USP9X: variants seen among roughly 807,000 people sequenced by gnomAD.
The protein encoded by USP9X is ubiquitin carboxyl-terminal hydrolase 9X.
Under a neutral mutation model 190.3 loss-of-function variants are expected in USP9X, and 7 were observed. The ratio of observed to expected loss-of-function variants is 0.04; its 90% CI spans 0.02 to 0.07. The LOEUF (loss-of-function observed/expected upper bound fraction) is 0.07, where lower values mean the gene tolerates loss of function less well. Ranked by LOEUF, USP9X falls within the 10% of genes least tolerant of loss-of-function variation. The pLI, the probability that USP9X is intolerant of heterozygous loss-of-function variation, is 1.00. For missense variants in USP9X, 1,010 were observed against 1,916.9 expected (o/e 0.53, Z 8.83); for synonymous variants, 645 against 659.5 (o/e 0.98, Z 0.34).
intron 24 of USP9X, among the ~76,000 whole-genome samples, chrX:41,187,203 C>A (rs1048710259): frequency 4.5e-5 from 5 of 112,275 alleles, no homozygotes; most frequent in African/African-American, 6.5e-5. Flanking sequence ...TTTCATCACT[C>A]TTTATGCACT....
chrX:41,090,138 C>T (rs1282630065), intron 1 of USP9X, among the ~76,000 whole-genome samples: 1 of 108,443 alleles, frequency 9.2e-6, no homozygotes, highest in Non-Finnish European at 1.9e-5. Context: ...AACTGCTGGG[C>T]TCAAGCTGTC....
At chrX:41,174,530 G>A (rs1330280364) in intron 21 of USP9X, among the ~76,000 whole-genome samples, 2 of 111,898 alleles carry the variant, frequency 1.8e-5, no homozygotes, top group Non-Finnish European at 3.8e-5. Flanking sequence ...TATCATGATT[G>A]TATTCAGGTT....
At chrX:41,163,394 T>A (rs1392052375) in intron 15 of USP9X, among the ~76,000 whole-genome samples, 1 of 109,940 alleles carries the variant, frequency 9.1e-6, no homozygotes, top group Non-Finnish European at 1.9e-5. Flanking sequence ...TAGGGCTGGA[T>A]TTTCTCTGCA....
chrX:41,216,494 C>T lies in USP9X; in HGVS notation c.5927C>T (p.Thr1976Ile). 1 of 1,211,271 alleles carries T rather than the reference C, an allele frequency of 8.3e-7. No homozygotes were observed. The highest frequency in any genetic ancestry group is 1.1e-6 in the Non-Finnish European group (1 of 895,414). Reference sequence around the variant, plus strand: ...TATATATCAGAGCTTGCTATCACCACCAGACCTCATCAGATTATTATGCCA... The same window carrying T: ...TATATATCAGAGCTTGCTATCACCATCAGACCTCATCAGATTATTATGCCA... ...IRYISELAIT[T>I]RPHQIIMPSA... Residue 1976 changes from threonine to isoleucine, a missense_variant, in exon 35 of 45, where the codon ACC (threonine) becomes ATC (isoleucine). By Grantham distance (89) the Thr-to-Ile change is moderately conservative (BLOSUM62 -1). Transcript: ENST00000378308.
chrX:41,144,977 A>G (rs774005077), intron 11 of USP9X, among the ~76,000 whole-genome samples: 9 of 111,619 alleles, frequency 8.1e-5, no homozygotes, highest in African/African-American at 2.9e-4. Context: ...CTGGGGTCAT[A>G]TGTACAAGCA....
At chrX:41,190,991 A>G (rs1445412886) in intron 26 of USP9X, among the ~76,000 whole-genome samples, 1 of 111,534 alleles carries the variant, frequency 9.0e-6, no homozygotes, top group East Asian at 2.8e-4. Flanking sequence ...ATTTGTCAGC[A>G]AGTCCGACTT....
intron 1 of USP9X, among the ~76,000 whole-genome samples, chrX:41,120,289 C>G (rs909204704): frequency 1.8e-5 from 2 of 111,927 alleles, no homozygotes; most frequent in African/African-American, 6.5e-5. Context: ...CTTTCCTTAC[C>G]TGTAAAGAGG....
At chrX:41,106,171 G>A (rs868076215) in intron 1 of USP9X, among the ~76,000 whole-genome samples, 1 of 111,455 alleles carries the variant, frequency 9.0e-6, no homozygotes, top group African/African-American at 3.3e-5. Flanking sequence ...TGTTGCTCCT[G>A]CTTTTGGTAT....
At chrX:41,091,453 G>C (rs965145355) in intron 1 of USP9X, among the ~76,000 whole-genome samples, 1 of 111,571 alleles carries the variant, frequency 9.0e-6, no homozygotes, top group African/African-American at 3.3e-5. Flanking sequence ...AATTTACTTT[G>C]TTTAGGTGTT....
At chrX:41,116,112 A>G (rs1392989942) in intron 1 of USP9X, among the ~76,000 whole-genome samples, 1 of 112,196 alleles carries the variant, frequency 8.9e-6, no homozygotes. Context: ...TTAGGATGCT[A>G]AGTTTGAATA....
chrX:41,190,885 C>T (rs977472017), intron 26 of USP9X, among the ~76,000 whole-genome samples: 3 of 111,601 alleles, frequency 2.7e-5, no homozygotes, highest in African/African-American at 9.8e-5. Context: ...GGAGGGCGTT[C>T]TAAGTTAGGA....
At chrX:41,142,191 G>T (rs1276027137) in intron 9 of USP9X, among the ~76,000 whole-genome samples, 2 of 111,572 alleles carry the variant, frequency 1.8e-5, no homozygotes, top group Non-Finnish European at 3.8e-5. Flanking sequence ...TATGATGTAC[G>T]TATCTGCCTC....
intron 5 of USP9X, among the ~76,000 whole-genome samples, chrX:41,135,974 C>G (rs5918119): frequency 0.37 from 40,898 of 109,762 alleles, 6,299 homozygotes; most frequent in East Asian, 0.51. Flanking sequence ...AGTTGTCAAG[C>G]AGATAATATT....
chrX:41,232,219 TTTTTTG>T (rs56699343), intron 44 of USP9X, among the ~76,000 whole-genome samples, 162 bp from the exon 45 acceptor site: 225 of 103,069 alleles, frequency 2.2e-3, no homozygotes, highest in African/African-American at 6.2e-3. Context: ...TTTCAAGCCT[TTTTTTG>T]TTTTTGTTTT....
At chrX:41,128,006 A>G (rs970989174) in intron 2 of USP9X, among the ~76,000 whole-genome samples, 4 of 112,209 alleles carry the variant, frequency 3.6e-5, no homozygotes, top group Admixed American at 9.5e-5. Flanking sequence ...AGTTGTGAAA[A>G]TATTATGCAC....
At chrX:41,120,351 C>T (rs574548494) in intron 1 of USP9X, among the ~76,000 whole-genome samples, 10 of 112,379 alleles carry the variant, frequency 8.9e-5, no homozygotes, top group African/African-American at 3.2e-4. Context: ...GTGCTACAAA[C>T]AGTGCCTAAC....
chrX:41,190,888 A>T (rs1189282124), intron 26 of USP9X, among the ~76,000 whole-genome samples: 2 of 111,812 alleles, frequency 1.8e-5, no homozygotes, highest in African/African-American at 6.5e-5. Flanking sequence ...GGGCGTTCTA[A>T]GTTAGGATCT....
chrX:41,104,367 G>A lies in USP9X; in HGVS notation c.-159+18258G>A, dbSNP rs1039479222. 6.3e-5 allele frequency among the ~76,000 whole-genome samples: 7 copies of A among 111,987 alleles called. No individual in the cohort carries two copies. In the South Asian group the frequency reaches 1.1e-3, roughly 18 times the overall value. On this transcript the variant is annotated intron_variant, in intron 1 of 44. Coordinates refer to ENST00000378308, the MANE Select transcript of USP9X (RefSeq NM_001039591.3). ...ATTACAGGTGTGAGCCACTTCACAC[G>A]GCCTATACCTTTAACTTGAAATTTA... is the stretch of plus-strand genomic sequence containing the variant.
At chrX:41,124,641 C>T (rs776821451) in intron 2 of USP9X, among the ~76,000 whole-genome samples, 2 of 111,089 alleles carry the variant, frequency 1.8e-5, no homozygotes, top group South Asian at 7.7e-4. Context: ...AGCATTGGAC[C>T]CATCATAAAT....
Sources: allele counts gnomAD v4.1 joint callset (sites outside exome capture counted in the v4.1 genomes callset), GRCh38; gene constraint gnomAD v4.1.1; transcripts MANE v1.5; gene names NCBI Gene and HGNC (gene_info 2026-07-23, HGNC 2026-07-21).